The following ZNF675 variants were observed in gnomAD, a reference collection of about 807,000 sequenced individuals.
ZNF675 encodes zinc finger protein 675.
Under a neutral mutation model 56.1 loss-of-function variants are expected in ZNF675, and 36 were observed. The ratio of observed to expected loss-of-function variants is 0.64; its 90% CI spans 0.49 to 0.85. The LOEUF is 0.85. ZNF675 is among the 40% of genes least tolerant of loss of function. The pLI is 0.00. For missense variants in ZNF675, 663 were observed against 654.2 expected (o/e 1.01, Z -0.15); for synonymous variants, 200 against 218.9 (o/e 0.91, Z 0.76).
At chr19:23,683,474 T>G (rs1968403027) in intron 1 of ZNF675, among the ~76,000 whole-genome samples, 2 of 152,174 alleles carry the variant, frequency 1.3e-5, no homozygotes, top group South Asian at 4.1e-4. Flanking sequence ...CAGGCTGCAG[T>G]GCAGTGGTGC....
rs141403062 is a variant in ZNF675, at chr19:23,679,764, G to A, written c.3+7267C>T. Among the ~76,000 whole-genome samples the A allele has an allele frequency of 2.4e-4, 36 of 151,596 alleles. 1 individual carries two copies. Among genetic ancestry groups the A allele is most frequent in the Middle Eastern group, 3.4e-3 (1 of 292 alleles). On this transcript the variant is annotated intron_variant, in intron 1 of 3. Transcript: ENST00000359788. The stretch of plus-strand genomic sequence containing the variant: ...CCAGCACTTTGGGATGCAGAGGCAG[G>A]TGGATCACCTGAGATCAGGAGTTTG...
rs1291835276 is a variant in ZNF675, at chr19:23,653,888, A to C, written c.1045T>G (p.Phe349Val). ...PYKCEECGKA[F>V]NRSSKLTEHK... ...TCAGTAAGTTTTGAGGATCGGTTAA[A>C]AGCTTTTCCACATTCTTCACATTTG... The change falls in exon 4 of 4, where the codon TTT becomes GTT. Residue 349 changes from phenylalanine to valine, a missense_variant. This residue lies in a region of ZNF675 where 617 missense variants were observed against 590.5 expected (regional missense o/e 1.04). Coordinates refer to ENST00000359788, the MANE Select transcript of ZNF675 (RefSeq NM_138330.3). 1 of 1,613,386 alleles carries C rather than the reference A, an allele frequency of 6.2e-7. No individual in the cohort carries two copies. The highest frequency in any genetic ancestry group is 1.1e-5 in the South Asian group (1 of 91,072).
At chr19:23,669,505 T>G (rs1028055500) in intron 1 of ZNF675, among the ~76,000 whole-genome samples, 1 of 151,624 alleles carries the variant, frequency 6.6e-6, no homozygotes, top group Admixed American at 6.6e-5. Flanking sequence ...GGGGAGCTTA[T>G]GAAAGGAAAT....
chr19:23,669,835 A>C (rs867092774), intron 1 of ZNF675, among the ~76,000 whole-genome samples: 1 of 146,442 alleles, frequency 6.8e-6, no homozygotes, highest in African/African-American at 2.5e-5. Flanking sequence ...CCTGGACAAC[A>C]GAGCAAGACT....
Position 23,652,922 on chromosome 19 carries a change from TTTA to T in ZNF675, c.*301_*303del, listed in dbSNP as rs1183020060. On this transcript the variant is annotated 3_prime_UTR_variant, in exon 4 of 4. Transcript: ENST00000359788. ...AGACAGTAATTGCATTTATAATGCT[TTTA>T]TTAAGTACCAACATTCTGATATTAA... The T allele has an allele frequency of 9.4e-6, 2 of 213,790 alleles. No homozygotes were observed. The highest frequency in any genetic ancestry group is 4.6e-5 in the African/African-American group (2 of 43,400). The allele number at this position is 213,790 out of a possible 1,614,324, so 13.2% of individuals were successfully genotyped here. A position where few individuals can be genotyped will look rare whatever the true frequency, so the allele number is the denominator to read the frequency against.
At chr19:23,676,844 G>C (rs1285618319) in intron 1 of ZNF675, among the ~76,000 whole-genome samples, 1 of 151,212 alleles carries the variant, frequency 6.6e-6, no homozygotes, top group African/African-American at 2.5e-5. Flanking sequence ...GGAGGCCGAG[G>C]TGGGTGGATC....
rs1968451288 is a variant in ZNF675, at chr19:23,686,978, G to A, written c.3+53C>T. ...GAGTCCCGCCATAGCCATTTCCCACGGGTTCCAACCAGCCCCTTCCCCCTC... is the reference window on the plus strand; with the variant it reads ...GAGTCCCGCCATAGCCATTTCCCACAGGTTCCAACCAGCCCCTTCCCCCTC... On this transcript the variant is annotated intron_variant, in intron 1 of 3. Transcript: ENST00000359788. 8.1e-6 allele frequency: 13 copies of A among 1,611,494 alleles called. No individual in the cohort carries two copies. The South Asian group carries it at 1.4e-4, about 18-fold the overall frequency.
intron 1 of ZNF675, among the ~76,000 whole-genome samples, chr19:23,677,122 C>T (rs1213973477): frequency 6.7e-6 from 1 of 149,854 alleles, no homozygotes; most frequent in African/African-American, 2.5e-5. Context: ...AGAAAACTGG[C>T]ACAAGACAAG....
In ZNF675 at chr19:23,675,083, C is replaced by A. The variant is rs557628818; in HGVS notation, c.4-11925G>T. ...TCTTCGACATCTTAATTTTAGTAGA[C>A]ACTGGATTCAGGCATCTAAGGAGTA... On this transcript the variant is annotated intron_variant, in intron 1 of 3. Transcript: ENST00000359788. 5.9e-5 allele frequency among the ~76,000 whole-genome samples: 9 copies of A among 151,834 alleles called. 1 individual carries two copies. The highest frequency in any genetic ancestry group is 2.2e-4 in the African/African-American group (9 of 41,160).
At chr19:23,678,744 A>G (rs1204518140) in intron 1 of ZNF675, among the ~76,000 whole-genome samples, 1 of 151,442 alleles carries the variant, frequency 6.6e-6, no homozygotes, top group East Asian at 1.9e-4. Context: ...GACAAATGCA[A>G]CAGAATAGAG....
chr19:23,657,577 C>T (rs568921155), intron 3 of ZNF675, among the ~76,000 whole-genome samples: 31 of 152,050 alleles, frequency 2.0e-4, no homozygotes, highest in Non-Finnish European at 4.0e-4. Flanking sequence ...ATTAGCTGGG[C>T]GTGGTGGCGC....
intron 3 of ZNF675, 65 bp from the exon 4 acceptor site, chr19:23,654,771 T>A: frequency 7.5e-7 from 1 of 1,327,144 alleles, no homozygotes; most frequent in Non-Finnish European, 1.0e-6. Context: ...CAAACCTAAC[T>A]TATAAAATTA....
chr19:23,675,520 C>T (rs1375290303), intron 1 of ZNF675, among the ~76,000 whole-genome samples: 1 of 151,742 alleles, frequency 6.6e-6, no homozygotes, highest in Non-Finnish European at 1.5e-5. Context: ...CAGACCACAG[C>T]TTGATAAAAA....
At chr19:23,681,201 G>A (rs1474926308) in intron 1 of ZNF675, among the ~76,000 whole-genome samples, 1 of 151,764 alleles carries the variant, frequency 6.6e-6, no homozygotes, top group Non-Finnish European at 1.5e-5. Context: ...GTGTCTGCAG[G>A]TGGGGATATT....
At chr19:23,676,568 T>A (rs1427112905) in intron 1 of ZNF675, among the ~76,000 whole-genome samples, 71 of 151,924 alleles carry the variant, frequency 4.7e-4, no homozygotes. Flanking sequence ...AATCAATAAA[T>A]GTCATTTATC....
At chr19:23,684,175 T>G (rs1968413413) in intron 1 of ZNF675, among the ~76,000 whole-genome samples, 1 of 150,264 alleles carries the variant, frequency 6.7e-6, no homozygotes, top group African/African-American at 2.5e-5. Context: ...GGCAGGAGAA[T>G]GGCTTGAACC....
chr19:23,668,827 G>C lies in ZNF675; in HGVS notation c.4-5669C>G, dbSNP rs532894414. Among the ~76,000 whole-genome samples the C allele has an allele frequency of 1.8e-4, 27 of 152,250 alleles. No individual in the cohort carries two copies. In the East Asian group the frequency reaches 5.1e-3, roughly 28 times the overall value. On this transcript the variant is annotated intron_variant, in intron 1 of 3. Coordinates refer to ENST00000359788, the MANE Select transcript of ZNF675 (RefSeq NM_138330.3). Reference sequence around the variant, plus strand: ...GGCCGGCCGGGGGCTCCGAGTGCGAGGCCCGCCAAGCCCACGCCCACCCGG... The same window carrying C: ...GGCCGGCCGGGGGCTCCGAGTGCGACGCCCGCCAAGCCCACGCCCACCCGG...
chr19:23,656,044 G>C (rs1430487778), intron 3 of ZNF675: 5 of 458 alleles, frequency 0.011, no homozygotes, highest in African/African-American at 0.011. Context: ...TGGCTGCAGT[G>C]GAGCCACTGC....
At chr19:23,655,650 A>C (rs1967973177) in intron 3 of ZNF675, 1 of 152,150 alleles carries the variant, frequency 6.6e-6, no homozygotes, top group Non-Finnish European at 1.5e-5. Context: ...ATCAACAATG[A>C]TGATTACATT....
Sources: gnomAD v4.1 joint callset for allele counts (sites outside exome capture counted in the v4.1 genomes callset) on GRCh38, gnomAD v4.1.1 for gene constraint, gnomAD v4.1.1 regional missense constraint, MANE v1.5 for transcripts, NCBI Gene and HGNC (gene_info 2026-07-23, HGNC 2026-07-21) for gene names.